BLTP3B: variants seen among roughly 807,000 people sequenced by gnomAD.
BLTP3B encodes UHRF1 (ICBP90) binding protein 1-like.
At chr12:100,073,312 C>T in the BLTP3B span, among the ~76,000 whole-genome samples, 4 of 150,716 alleles carry the variant, frequency 2.7e-5, no homozygotes, top group South Asian at 2.1e-4. Context: ...TACACAACAA[C>T]GTGAATGTGC....
chr12:100,050,322 T>C, the BLTP3B span: 1 of 1,592,660 alleles, frequency 6.3e-7, no homozygotes, highest in Non-Finnish European at 8.5e-7. Context: ...CGGACATCTA[T>C]TAATGATTGC....
At chr12:100,113,350 C>T in the BLTP3B span, among the ~76,000 whole-genome samples, 5 of 151,486 alleles carry the variant, frequency 3.3e-5, no homozygotes, top group Admixed American at 6.6e-5. Context: ...TGGATCCCAG[C>T]TACTCTGGAG....
At chr12:100,054,190 T>C in the BLTP3B span, among the ~76,000 whole-genome samples, 3 of 152,194 alleles carry the variant, frequency 2.0e-5, no homozygotes, top group African/African-American at 7.2e-5. Context: ...CTATGGTACA[T>C]TCTTATGACA....
the BLTP3B span, chr12:100,098,295 G>C: frequency 6.7e-7 from 1 of 1,486,750 alleles, no homozygotes; most frequent in Non-Finnish European, 9.0e-7. Context: ...TTTTTTAATC[G>C]TCCTCTTTTA....
At chr12:100,110,121 T>C in the BLTP3B span, among the ~76,000 whole-genome samples, 1 of 152,208 alleles carries the variant, frequency 6.6e-6, no homozygotes, top group African/African-American at 2.4e-5. Flanking sequence ...ACTAAACTAC[T>C]GGCTAACAAG....
chr12:100,042,093 G>A, the BLTP3B span, among the ~76,000 whole-genome samples: 4 of 152,026 alleles, frequency 2.6e-5, no homozygotes, highest in Admixed American at 1.3e-4. Flanking sequence ...ATAAAACATC[G>A]TTGAAAGAAA....
chr12:100,111,319 G>A, the BLTP3B span, among the ~76,000 whole-genome samples: 5 of 127,020 alleles, frequency 3.9e-5, no homozygotes, highest in Non-Finnish European at 4.7e-5. Context: ...TTTGAGACAC[G>A]GTCTCGCTCT....
chr12:100,050,444 T>C, the BLTP3B span: 3 of 800,102 alleles, frequency 3.7e-6, no homozygotes, highest in Non-Finnish European at 5.4e-6. Context: ...AAAAGTATAC[T>C]TGTGACCTAC....
chr12:100,084,744 C>T, the BLTP3B span: 23 of 1,365,082 alleles, frequency 1.7e-5, no homozygotes, highest in Non-Finnish European at 2.2e-5. Flanking sequence ...GAGATTTAGT[C>T]GTTTATTCAA....
the BLTP3B span, chr12:100,072,536 A>G: frequency 3.9e-6 from 3 of 773,668 alleles, no homozygotes; most frequent in Non-Finnish European, 5.6e-6. Flanking sequence ...GTGAGATGCT[A>G]GCTCTCAAAA....
the BLTP3B span, chr12:100,050,175 A>G: frequency 6.6e-7 from 1 of 1,508,816 alleles, no homozygotes; most frequent in Non-Finnish European, 8.8e-7. Flanking sequence ...TACCAACTGG[A>G]CGATTACAAA....
chr12:100,110,599 C>T, the BLTP3B span, among the ~76,000 whole-genome samples: 3 of 151,966 alleles, frequency 2.0e-5, no homozygotes, highest in Non-Finnish European at 2.9e-5. Context: ...GTTGGTGAGA[C>T]GGATCAAATG....
the BLTP3B span, among the ~76,000 whole-genome samples, chr12:100,133,665 T>C: frequency 1.3e-5 from 2 of 152,348 alleles, no homozygotes; most frequent in East Asian, 3.9e-4. Flanking sequence ...TTCTCTGAGA[T>C]AGGAACAAAT....
At chr12:100,141,926 A>G in the BLTP3B span, among the ~76,000 whole-genome samples, 2 of 143,484 alleles carry the variant, frequency 1.4e-5, no homozygotes, top group Non-Finnish European at 1.5e-5. Context: ...AGCAAAAACC[A>G]AAAAAAAAAA....
At chr12:100,111,278 T>C in the BLTP3B span, among the ~76,000 whole-genome samples, 2 of 63,208 alleles carry the variant, frequency 3.2e-5, no homozygotes. Flanking sequence ...GGGTTTTAGA[T>C]TTTTTTTTTT....
the BLTP3B span, among the ~76,000 whole-genome samples, chr12:100,040,411 G>A: frequency 2.0e-5 from 3 of 152,156 alleles, no homozygotes; most frequent in African/African-American, 7.2e-5. Flanking sequence ...GCCTGGCACA[G>A]TGGCTCATAC....
the BLTP3B span, among the ~76,000 whole-genome samples, chr12:100,060,781 A>C: frequency 6.6e-6 from 1 of 152,216 alleles, no homozygotes; most frequent in Non-Finnish European, 1.5e-5. Context: ...GAGCACCTTG[A>C]AGATCTTTTA....
the BLTP3B span, among the ~76,000 whole-genome samples, chr12:100,134,362 T>C: frequency 1.3e-5 from 2 of 152,196 alleles, no homozygotes; most frequent in Admixed American, 1.3e-4. Context: ...CCCAAGCACT[T>C]TGGGAAGCTG....
At chr12:100,138,223 A>G in the BLTP3B span, among the ~76,000 whole-genome samples, 5 of 152,230 alleles carry the variant, frequency 3.3e-5, no homozygotes, top group Non-Finnish European at 7.3e-5. Flanking sequence ...AACTCTTCCA[A>G]TGAGATTCTA....
Sources: allele counts gnomAD v4.1 joint callset (sites outside exome capture counted in the v4.1 genomes callset), GRCh38; gene constraint gnomAD v4.1.1; transcripts MANE v1.5; gene names NCBI Gene and HGNC (gene_info 2026-07-23, HGNC 2026-07-21).